NDRG4: variants seen among roughly 807,000 people sequenced by gnomAD.
NDRG4 encodes protein NDRG4.
In NDRG4, 38 loss-of-function variants were observed where a neutral mutation model predicts 55.8. The ratio of observed to expected loss-of-function variants is 0.68; its 90% confidence interval spans 0.53 to 0.89. The LOEUF is 0.89. Among genes scored for constraint, NDRG4 ranks in the 40% least tolerant of loss-of-function variants. The probability of loss-of-function intolerance (pLI) is 0.00; values close to 1 mark genes in which losing one functional copy is unlikely to be tolerated. For synonymous variants in NDRG4, 190 were observed against 182.7 expected, an observed-to-expected ratio of 1.04 and a Z score of -0.32; for missense variants, 455 against 468.6, an observed-to-expected ratio of 0.97 and a Z score of 0.27.
In NDRG4 at chr16:58,511,999, G is replaced by C; in HGVS notation, c.*423G>C. ...AGGCACTGGCGTGGGAGCCCTGGGA[G>C]ACCCCTTCCCCCACCCTCCACCAAG... On this transcript the variant is annotated 3_prime_UTR_variant, in exon 15 of 15. Coordinates refer to ENST00000570248, the MANE Select transcript of NDRG4 (RefSeq NM_001242835.2). 2.2e-6 allele frequency: 1 copy of C among 461,192 alleles called. No homozygotes were observed. The highest frequency in any genetic ancestry group is 4.3e-6 in the Non-Finnish European group (1 of 230,344). 28.6% of individuals were successfully genotyped at this position (461,192 alleles called of 1,614,324 possible).
intron 5 of NDRG4, chr16:58,506,168 G>GTGTGTGTGTGTGTGTGTGTGTGTGTC: frequency 1.5e-6 from 1 of 680,476 alleles, no homozygotes; most frequent in Non-Finnish European, 2.7e-6. Flanking sequence ...CTGTGTGTGT[G>GTGTGTGTGTGTGTGTGTGTGTGTGTC]TAGGGGTGGA....
intron 1 of NDRG4, chr16:58,465,219 G>A (rs1243997080): frequency 1.4e-6 from 1 of 714,830 alleles, no homozygotes; most frequent in South Asian, 1.4e-5. Flanking sequence ...GTGTATGTCA[G>A]ATGAGCACAG....
At chr16:58,465,305 G>C (rs929376054) in intron 1 of NDRG4, 11 of 442,224 alleles carry the variant, frequency 2.5e-5, no homozygotes, top group Middle Eastern at 6.4e-4. Flanking sequence ...TCCGATGAGG[G>C]AGCAGAGCCC....
At chr16:58,491,274 T>C (rs1396916389) in intron 2 of NDRG4, among the ~76,000 whole-genome samples, 1 of 151,974 alleles carries the variant, frequency 6.6e-6, no homozygotes, top group Non-Finnish European at 1.5e-5. Context: ...AGACTCTGTC[T>C]CTAAATAAAT....
Position 58,501,892 on chromosome 16 carries a change from C to T in NDRG4, c.21+1623C>T, listed in dbSNP as rs2037183697. The T allele has an allele frequency of 6.0e-5, 26 of 433,884 alleles. 2 individuals carry two copies. The highest frequency in any genetic ancestry group is 3.8e-4 in the South Asian group (24 of 63,570). 26.9% of individuals were successfully genotyped at this position (433,884 alleles called of 1,614,324 possible). On this transcript the variant is annotated intron_variant, in intron 1 of 14. Transcript: ENST00000570248. ...GCTGCGGGTCTGGGTTTGGAAGGCA[C>T]CGCCCTGGGCTCTCGACGTCTGACC...
intron 2 of NDRG4, among the ~76,000 whole-genome samples, chr16:58,489,071 G>A (rs1314753196): frequency 3.6e-4 from 54 of 152,082 alleles, no homozygotes; most frequent in Middle Eastern, 3.4e-3. Flanking sequence ...GGCCGAGGTG[G>A]GCAGATCACC....
chr16:58,491,092 CA>C (rs1198285601), intron 2 of NDRG4, among the ~76,000 whole-genome samples: 1 of 152,072 alleles, frequency 6.6e-6, no homozygotes. Context: ...GCCTGACCAA[CA>C]TGGTGAAACC....
At chr16:58,506,530 A>C (rs2038040640) in intron 6 of NDRG4, 28 bp from the exon 7 acceptor site, 1 of 1,600,218 alleles carries the variant, frequency 6.2e-7, no homozygotes, top group East Asian at 2.2e-5. Flanking sequence ...GAGGGGCGGC[A>C]CTCACGCTGG....
intron 1 of NDRG4, chr16:58,501,963 T>G (rs1169859212): frequency 2.2e-6 from 1 of 455,528 alleles, no homozygotes. Context: ...GCATTGCAGT[T>G]CTTTTGCAGC....
chr16:58,504,189 G>A lies in NDRG4; in HGVS notation c.163G>A (p.Asp55Asn), dbSNP rs144605894. The A allele has an allele frequency of 6.2e-7, 1 of 1,614,184 alleles. No individual in the cohort carries two copies. The highest frequency in any genetic ancestry group is 8.5e-7 in the Non-Finnish European group (1 of 1,180,036). The change falls in exon 3 of 15, where the codon GAC becomes AAC. Residue 55 changes from aspartate to asparagine, a missense_variant. Transcript: ENST00000570248. ...LCFNTFFNFE[D>N]MQEITKHFVV... is the part of the protein sequence containing the mutation. ...CTTCAACACCTTCTTCAACTTCGAG[G>A]ACATGCAGGAGATCACCAAGCACTT...
chr16:58,469,883 TTAAG>T, intron 1 of NDRG4, among the ~76,000 whole-genome samples: 1 of 152,272 alleles, frequency 6.6e-6, no homozygotes, highest in South Asian at 2.1e-4. Context: ...CACAGATAGG[TTAAG>T]TAACTTGCCA....
intron 1 of NDRG4, chr16:58,501,193 C>G: frequency 1.7e-6 from 1 of 592,658 alleles, no homozygotes. Flanking sequence ...CCCGCACGCA[C>G]GGAGGTGACG....
Position 58,464,878 on chromosome 16 carries a change from TCTGGGGGAGAAGTTTCTTG to T in NDRG4, c.-24+1087_-24+1105del. 1 of 1,188,666 alleles carries T rather than the reference TCTGGGGGAGAAGTTTCTTG, an allele frequency of 8.4e-7. No homozygotes were observed. The highest frequency in any genetic ancestry group is 1.1e-6 in the Non-Finnish European group (1 of 946,774). 73.6% of individuals were successfully genotyped at this position (1,188,666 alleles called of 1,614,324 possible). ...CCTGTGACAATCTGAGCCGTCTTTC[TCTGGGGGAGAAGTTTCTTG>T]CTGGGAGTGGAGGCGACGCCAAGTG... is the stretch of plus-strand genomic sequence containing the variant. On this transcript the variant is annotated intron_variant, in intron 1 of 15. Transcript: ENST00000258187. This position sits in a 1 kb window ranked among gnomAD's most constrained non-coding sequence, Gnocchi z 4.8.
At position 58,464,137 on chromosome 16, in the gene NDRG4, C is replaced by T. The variant is rs1403397442; in HGVS notation, c.-24+340C>T. On this transcript the variant is annotated intron_variant, in intron 1 of 15. Coordinates refer to the NDRG4 transcript ENST00000258187. This position sits in a 1 kb window ranked among gnomAD's most constrained non-coding sequence, Gnocchi z 4.8. Reference sequence around the variant, plus strand: ...CGGGGGACCACCTCCCACGGTGTCACCGCACCCACCCCGCGCCCTTCCTCC... The same window carrying T: ...CGGGGGACCACCTCCCACGGTGTCATCGCACCCACCCCGCGCCCTTCCTCC... 2.9e-6 allele frequency: 1 copy of T among 345,314 alleles called. No homozygotes were observed. The highest frequency in any genetic ancestry group is 2.1e-5 in the African/African-American group (1 of 47,040). The allele number at this position is 345,314 out of a possible 1,614,324, so 21.4% of individuals were successfully genotyped here. A position where few individuals can be genotyped will look rare whatever the true frequency, so the allele number is the denominator to read the frequency against.
intron 1 of NDRG4, among the ~76,000 whole-genome samples, chr16:58,485,746 T>C (rs536614248): frequency 2.0e-5 from 3 of 152,276 alleles, no homozygotes; most frequent in South Asian, 2.1e-4. Context: ...GAGCCGGGAC[T>C]CCAGCATGGC....
chr16:58,484,325 A>G (rs1057091083), intron 1 of NDRG4, among the ~76,000 whole-genome samples: 11 of 152,286 alleles, frequency 7.2e-5, no homozygotes, highest in African/African-American at 2.4e-4. Flanking sequence ...GTGAGCTGAG[A>G]TCGCGCCACT....
chr16:58,497,497 G>A (rs2036542700), upstream of NDRG4, among the ~76,000 whole-genome samples: 1 of 152,160 alleles, frequency 6.6e-6, no homozygotes, highest in Non-Finnish European at 1.5e-5. Flanking sequence ...CTAGCCAAGT[G>A]AGGAAATTAC....
At chr16:58,493,679 C>T (rs927704702) in intron 2 of NDRG4, among the ~76,000 whole-genome samples, 1 of 152,240 alleles carries the variant, frequency 6.6e-6, no homozygotes, top group African/African-American at 2.4e-5. Context: ...CCTCACAACA[C>T]TGAGGCTCGG....
chr16:58,500,520 G>T (rs1225170397), intron 1 of NDRG4: 3 of 484,322 alleles, frequency 6.2e-6, no homozygotes, highest in Middle Eastern at 5.7e-4. Context: ...GTGGTTGGGG[G>T]GTGGGTGACA....
Sources: gnomAD v4.1 joint callset for allele counts (sites outside exome capture counted in the v4.1 genomes callset) on GRCh38, gnomAD v4.1.1 for gene constraint, Gnocchi (gnomAD v3.1) non-coding constraint, MANE v1.5 for transcripts, NCBI Gene and HGNC (gene_info 2026-07-23, HGNC 2026-07-21) for gene names.